The following BRINP3 variants were observed in gnomAD, a reference collection of about 807,000 sequenced individuals.
BRINP3 encodes the protein BMP/retinoic acid-inducible neural-specific protein 3.
A neutral mutation model predicts 71.0 loss-of-function variants in BRINP3; 19 were observed. The observed-to-expected ratio is 0.27, with a 90% CI of 0.19 to 0.39. BRINP3 has a LOEUF of 0.39. BRINP3 is among the 10% of genes least tolerant of loss of function. The pLI is 1.00. For synonymous variants in BRINP3, 380 were observed against 337.7 expected (o/e 1.13, Z -1.37); for missense variants, 959 against 940.8 (o/e 1.02, Z -0.25).
At chr1:190,373,647 C>T (rs1393872613) in intron 2 of BRINP3, among the ~76,000 whole-genome samples, 2 of 151,608 alleles carry the variant, frequency 1.3e-5, no homozygotes, top group Admixed American at 1.3e-4. Context: ...CAAAGAACAT[C>T]CACAGCAGAG....
In BRINP3 at chr1:190,416,927, G is replaced by A. The variant is rs548572464; in HGVS notation, c.236+37728C>T. ...GTTTTCCTCCAGATCCAAGCAATTT[G>A]GGATTATCTGTTTCTCTGGATTCAT... is the stretch of plus-strand genomic sequence containing the variant. On this transcript the variant is annotated intron_variant, in intron 2 of 7. Transcript: ENST00000367462. Among the ~76,000 whole-genome samples the A allele has an allele frequency of 2.6e-4, 40 of 152,200 alleles. No homozygotes were observed. In the South Asian group the frequency reaches 8.1e-3, roughly 31 times the overall value.
chr1:190,410,218 A>C (rs544924569), intron 2 of BRINP3, among the ~76,000 whole-genome samples: 148 of 152,210 alleles, frequency 9.7e-4, no homozygotes, highest in Admixed American at 2.6e-3. Flanking sequence ...GTGTAGTACA[A>C]ATATTAAGCC....
chr1:190,144,398 G>C (rs1429288751), intron 7 of BRINP3, among the ~76,000 whole-genome samples: 1 of 151,894 alleles, frequency 6.6e-6, no homozygotes, highest in Non-Finnish European at 1.5e-5. Context: ...TCTTGTTAAT[G>C]GACAATGGCA....
chr1:190,216,483 T>C (rs114999754), intron 6 of BRINP3, among the ~76,000 whole-genome samples: 1,594 of 151,940 alleles, frequency 0.01, 25 homozygotes, highest in African/African-American at 0.036. Context: ...ATAAATATTG[T>C]TATTAGAGTG....
At chr1:190,354,531 A>G (rs1668605051) in intron 2 of BRINP3, among the ~76,000 whole-genome samples, 1 of 152,024 alleles carries the variant, frequency 6.6e-6, no homozygotes, top group Admixed American at 6.6e-5. Flanking sequence ...TGTTCTTTGT[A>G]CTACAGAAAT....
chr1:190,255,036 T>G (rs1230996495), intron 4 of BRINP3, among the ~76,000 whole-genome samples: 6 of 111,256 alleles, frequency 5.4e-5, no homozygotes, highest in African/African-American at 2.4e-4. Context: ...AATCATGTGG[T>G]TTTTTTTTTC....
At chr1:190,164,989 A>C (rs1012150452) in intron 6 of BRINP3, among the ~76,000 whole-genome samples, 9 of 152,130 alleles carry the variant, frequency 5.9e-5, no homozygotes, top group Non-Finnish European at 1.2e-4. Context: ...GGTATAATTC[A>C]AGTATTTCAG....
At chr1:190,322,205 G>A (rs1476609656) in intron 2 of BRINP3, among the ~76,000 whole-genome samples, 1 of 151,976 alleles carries the variant, frequency 6.6e-6, no homozygotes, top group Admixed American at 6.6e-5. Context: ...CTAAAAATTT[G>A]TTTTGCACCT....
At chr1:190,252,754 A>G (rs1237570918) in intron 4 of BRINP3, among the ~76,000 whole-genome samples, 3 of 151,958 alleles carry the variant, frequency 2.0e-5, no homozygotes, top group African/African-American at 7.3e-5. Context: ...ATTATGTTGC[A>G]TAGCACTTTC....
At chr1:190,422,374 C>T (rs1380460406) in intron 2 of BRINP3, among the ~76,000 whole-genome samples, 1 of 151,790 alleles carries the variant, frequency 6.6e-6, no homozygotes, top group Non-Finnish European at 1.5e-5. Context: ...TCATATTGCT[C>T]AGATTCTCTA....
chr1:190,215,028 T>C (rs1463176541), intron 6 of BRINP3, among the ~76,000 whole-genome samples: 2 of 151,480 alleles, frequency 1.3e-5, no homozygotes, highest in African/African-American at 2.4e-5. Context: ...TCATTAATGC[T>C]TTTATAAGTA....
chr1:190,311,460 T>C (rs1186548900), intron 2 of BRINP3, among the ~76,000 whole-genome samples: 2 of 151,488 alleles, frequency 1.3e-5, no homozygotes, highest in Non-Finnish European at 3.0e-5. Flanking sequence ...CAGCAGAGTA[T>C]AATGATTAAG....
At chr1:190,465,020 A>T (rs2102679672) in intron 1 of BRINP3, among the ~76,000 whole-genome samples, 1 of 152,118 alleles carries the variant, frequency 6.6e-6, no homozygotes, top group South Asian at 2.1e-4. Context: ...AAATGCTAAT[A>T]CCTAATGGTA....
chr1:190,267,490 C>G (rs546375880), intron 3 of BRINP3, among the ~76,000 whole-genome samples: 106 of 151,848 alleles, frequency 7.0e-4, no homozygotes, highest in Non-Finnish European at 1.3e-3. Flanking sequence ...AGAGAAATAT[C>G]TATAACATAC....
intron 2 of BRINP3, among the ~76,000 whole-genome samples, chr1:190,297,607 A>C (rs1487075848): frequency 1.3e-5 from 2 of 152,070 alleles, no homozygotes; most frequent in Admixed American, 1.3e-4. Context: ...AATTTCACCA[A>C]ATGCCTTTTT....
intron 6 of BRINP3, among the ~76,000 whole-genome samples, chr1:190,182,560 T>C (rs186822111): frequency 2.3e-4 from 34 of 148,868 alleles, no homozygotes; most frequent in African/African-American, 8.6e-4. Context: ...CTTTGTTGAC[T>C]GCTTGATTTT....
chr1:190,332,064 A>T (rs1402433975), intron 2 of BRINP3, among the ~76,000 whole-genome samples: 1 of 152,060 alleles, frequency 6.6e-6, no homozygotes, highest in East Asian at 1.9e-4. Context: ...TTACAATAAG[A>T]CAAACTTACA....
At chr1:190,106,609 T>C (rs1301643211) in intron 7 of BRINP3, among the ~76,000 whole-genome samples, 2 of 151,508 alleles carry the variant, frequency 1.3e-5, no homozygotes, top group African/African-American at 4.8e-5. Flanking sequence ...GAAAAGCAAG[T>C]GCAGACTTAA....
At chr1:190,386,389 G>A (rs886659022) in intron 2 of BRINP3, among the ~76,000 whole-genome samples, 2 of 151,076 alleles carry the variant, frequency 1.3e-5, no homozygotes, top group Non-Finnish European at 3.0e-5. Context: ...TTAAGTATAA[G>A]GGAATAAAGG....
Sources: gnomAD v4.1 joint callset for allele counts (sites outside exome capture counted in the v4.1 genomes callset) on GRCh38, gnomAD v4.1.1 for gene constraint, MANE v1.5 for transcripts, NCBI Gene and HGNC (gene_info 2026-07-23, HGNC 2026-07-21) for gene names.